Variants in OPRM1 observed in about 807,000 individuals in gnomAD.
The protein encoded by OPRM1 is opioid receptor mu 1.
A neutral mutation model predicts 31.8 loss-of-function variants in OPRM1; 27 were observed. The ratio of observed to expected loss-of-function variants is 0.85; its 90% CI spans 0.63 to 1.17. The LOEUF (loss-of-function observed/expected upper bound fraction) is 1.17. Ranked by LOEUF, OPRM1 falls within the 50% of genes most tolerant of loss-of-function variation. The probability of loss-of-function intolerance (pLI) is 0.00; values close to 1 mark genes in which losing one functional copy is unlikely to be tolerated. For synonymous variants in OPRM1, 196 were observed against 189.9 expected, an observed-to-expected ratio of 1.03 and a Z score of -0.26; for missense variants, 536 against 511.1, an observed-to-expected ratio of 1.05 and a Z score of -0.47.
chr6:154,076,881 A>G lies in OPRM1; in HGVS notation c.291-12945A>G, dbSNP rs574497628. 1.9e-4 allele frequency among the ~76,000 whole-genome samples: 29 copies of G among 152,288 alleles called. 1 individual carries two copies. In the South Asian group the frequency reaches 5.0e-3, roughly 26 times the overall value. ...TATTTTATTTATTCATCCAACAAAT[A>G]TTTATTTTGTTCCTTTCCAATAGAA... On this transcript the variant is annotated intron_variant, in intron 1 of 3. Coordinates refer to ENST00000330432, the MANE Select transcript of OPRM1 (RefSeq NM_000914.5).
At chr6:154,046,313 G>T (rs1331709623) in intron 1 of OPRM1, among the ~76,000 whole-genome samples, 1 of 152,142 alleles carries the variant, frequency 6.6e-6, no homozygotes, top group African/African-American at 2.4e-5. Flanking sequence ...AATGGAGAGA[G>T]AGTGGGCACC....
intron 3 of OPRM1, among the ~76,000 whole-genome samples, chr6:154,142,852 G>A (rs116879346): frequency 9.5e-4 from 144 of 152,272 alleles, no homozygotes; most frequent in Non-Finnish European, 1.5e-3. Flanking sequence ...TGGCCTTTTA[G>A]CCTTGCAGTC....
At chr6:154,028,366 C>G (rs1778820200) in intron 1 of OPRM1, among the ~76,000 whole-genome samples, 1 of 152,142 alleles carries the variant, frequency 6.6e-6, no homozygotes, top group Admixed American at 6.5e-5. Context: ...ACGAAGTCCT[C>G]CCCACTCTTC....
upstream of OPRM1, among the ~76,000 whole-genome samples, chr6:154,036,924 G>A (rs1779338677): frequency 1.3e-5 from 2 of 151,926 alleles, no homozygotes; most frequent in Admixed American, 1.3e-4. Flanking sequence ...ATTAAGTACT[G>A]TGTTAGTGAG....
chr6:154,085,905 T>TTTTTTTTTTTTA (rs61701060), intron 1 of OPRM1, among the ~76,000 whole-genome samples: 2 of 150,864 alleles, frequency 1.3e-5, no homozygotes, highest in African/African-American at 4.9e-5. Context: ...TTTTTTTTTT[T>TTTTTTTTTTTTA]GAGACAGTGT....
chr6:154,238,165 ATTATT>A (rs1355498041), intron 3 of OPRM1, among the ~76,000 whole-genome samples: 1 of 152,248 alleles, frequency 6.6e-6, no homozygotes, highest in African/African-American at 2.4e-5. Context: ...CATGTATGAT[ATTATT>A]TTATTTTTGT....
At chr6:154,097,138 C>A (rs1793528342) in intron 3 of OPRM1, among the ~76,000 whole-genome samples, 1 of 152,132 alleles carries the variant, frequency 6.6e-6, no homozygotes. Flanking sequence ...GTGGGTCTTA[C>A]AGGAAAAAGC....
At chr6:154,172,488 T>C (rs1390753729) in intron 3 of OPRM1, among the ~76,000 whole-genome samples, 1 of 152,056 alleles carries the variant, frequency 6.6e-6, no homozygotes, top group East Asian at 1.9e-4. Context: ...GGAGATTCCC[T>C]CCCATGCCTG....
intron 1 of OPRM1, among the ~76,000 whole-genome samples, chr6:154,026,337 CT>C (rs1778695416): frequency 6.6e-6 from 1 of 151,780 alleles, no homozygotes; most frequent in African/African-American, 2.4e-5. Context: ...TTGTTTGTTT[CT>C]TTTTTATTGC....
chr6:154,039,185 A>G (rs1355297985), upstream of OPRM1: 2 of 1,551,566 alleles, frequency 1.3e-6, no homozygotes, highest in African/African-American at 2.7e-5. Context: ...AAGAGTGCCC[A>G]GTGAAGAGAC....
chr6:154,214,155 C>G, intron 3 of OPRM1: 1 of 1,048,238 alleles, frequency 9.5e-7, no homozygotes, highest in South Asian at 1.3e-5. Flanking sequence ...ATTGTTTTTT[C>G]ACCCTGTTTC....
intron 2 of OPRM1, 35 bp from the exon 3 acceptor site, chr6:154,090,917 G>A: frequency 6.3e-7 from 1 of 1,578,688 alleles, no homozygotes; most frequent in East Asian, 2.2e-5. Flanking sequence ...ATTAAATGTT[G>A]CTGCTAATTT....
intron 3 of OPRM1, chr6:154,154,566 A>G (rs1464561717): frequency 6.6e-6 from 1 of 152,232 alleles, no homozygotes; most frequent in East Asian, 1.9e-4. Flanking sequence ...GACTGCCACC[A>G]GAGGGCACTG....
At chr6:154,235,983 C>T (rs1459432060) in intron 3 of OPRM1, among the ~76,000 whole-genome samples, 1 of 152,180 alleles carries the variant, frequency 6.6e-6, no homozygotes, top group Non-Finnish European at 1.5e-5. Flanking sequence ...AGCTGCTATG[C>T]AAAATAGCAT....
intron 3 of OPRM1, among the ~76,000 whole-genome samples, chr6:154,162,644 C>G (rs988033974): frequency 6.6e-6 from 1 of 152,204 alleles, no homozygotes. Flanking sequence ...CTCCTTGTCA[C>G]GCCACCTCTT....
intron 3 of OPRM1, among the ~76,000 whole-genome samples, chr6:154,170,972 T>C (rs1389778466): frequency 6.6e-6 from 1 of 152,138 alleles, no homozygotes; most frequent in Non-Finnish European, 1.5e-5. Flanking sequence ...CTGGACTCAC[T>C]AGATTCTCCT....
intron 3 of OPRM1, chr6:154,223,120 A>G: frequency 7.5e-7 from 1 of 1,341,508 alleles, no homozygotes; most frequent in South Asian, 1.2e-5. Flanking sequence ...AACATTATGA[A>G]GAGATAGTAT....
chr6:154,153,055 C>T (rs1403601904), intron 3 of OPRM1, among the ~76,000 whole-genome samples: 1 of 152,094 alleles, frequency 6.6e-6, no homozygotes, highest in Non-Finnish European at 1.5e-5. Context: ...TTCTTAAAAG[C>T]CAGAAATTTC....
Position 154,195,143 on chromosome 6 carries a change from C to CTTT in OPRM1, c.1165-51549_1165-51547dup, listed in dbSNP as rs1162086187. Among the ~76,000 whole-genome samples, 924 of 133,324 alleles carry CTTT rather than the reference C, an allele frequency of 6.9e-3. 14 individuals carry two copies. Among genetic ancestry groups the CTTT allele is most frequent in the African/African-American group, 0.024 (811 of 33,588 alleles). 87.5% of individuals were successfully genotyped at this position (133,324 alleles called of 152,430 possible). ...CTACAGCTAAAATAATTTTTCTTTT[C>CTTT]TTTCTTTTTTTTTTTTTTTTTTGAG... On this transcript the variant is annotated intron_variant, in intron 3 of 3. Transcript: ENST00000337049.
Sources: allele counts gnomAD v4.1 joint callset (sites outside exome capture counted in the v4.1 genomes callset), GRCh38; gene constraint gnomAD v4.1.1; transcripts MANE v1.5; gene names NCBI Gene and HGNC (gene_info 2026-07-23, HGNC 2026-07-21).